Variants in KLHL32 observed in about 807,000 individuals in gnomAD.
KLHL32 encodes kelch like family member 32, also known as kelch-like protein 32.
A neutral mutation model predicts 64.8 loss-of-function variants in KLHL32; 35 were observed. The ratio of observed to expected loss-of-function variants is 0.54; its 90% CI spans 0.41 to 0.72. The LOEUF is 0.72. Ranked by LOEUF, KLHL32 falls within the 30% of genes least tolerant of loss-of-function variation. The pLI is 0.00. For missense variants in KLHL32, 589 were observed against 768.5 expected, an observed-to-expected ratio of 0.77 and a Z score of 2.76; for synonymous variants, 259 against 281.0, an observed-to-expected ratio of 0.92 and a Z score of 0.78.
chr6:97,012,775 A>C (rs926815986), intron 3 of KLHL32, among the ~76,000 whole-genome samples: 1 of 152,228 alleles, frequency 6.6e-6, no homozygotes, highest in Non-Finnish European at 1.5e-5. Context: ...CAATTAAACT[A>C]TATATGAGGG....
At chr6:97,092,421 A>G (rs1032298741) in intron 6 of KLHL32, among the ~76,000 whole-genome samples, 1 of 152,204 alleles carries the variant, frequency 6.6e-6, no homozygotes, top group Non-Finnish European at 1.5e-5. Flanking sequence ...ATGTGGTCCC[A>G]ACTTACAAAT....
intron 3 of KLHL32, among the ~76,000 whole-genome samples, chr6:97,029,638 A>AT (rs34020188): frequency 6.6e-6 from 1 of 152,212 alleles, no homozygotes; most frequent in Non-Finnish European, 1.5e-5. Flanking sequence ...GGATTGGGTT[A>AT]TTTTTTTCAT....
At position 96,992,251 on chromosome 6, in the gene KLHL32, G is replaced by C. The variant is rs539071994; in HGVS notation, c.204+16074G>C. ...GCTCCCGGGACCCAGGGTTGCAAAG[G>C]TCCATGGCAGAAGTGTGGGTCCCCA... On this transcript the variant is annotated intron_variant, in intron 3 of 10. Transcript: ENST00000369261. Among the ~76,000 whole-genome samples the C allele has an allele frequency of 6.6e-5, 10 of 152,358 alleles. No homozygotes were observed. In the East Asian group the frequency reaches 1.7e-3, roughly 26 times the overall value.
chr6:97,040,479 G>A (rs1784950073), intron 3 of KLHL32, among the ~76,000 whole-genome samples: 1 of 152,108 alleles, frequency 6.6e-6, no homozygotes, highest in Non-Finnish European at 1.5e-5. Flanking sequence ...AATTCAAGTG[G>A]GCATGAGAGT....
chr6:97,041,595 G>A lies in KLHL32; in HGVS notation c.308G>A (p.Gly103Glu). The stretch of plus-strand genomic sequence containing the variant: ...CAGGCTCTGGAGTTTGCATACACAG[G>A]ACAGGTATGGTATTAAATGTGATCT... ...LKQALEFAYT[G>E]QILLEPGVIQ... Residue 103 changes from glycine (G) to glutamate (E), a missense_variant, in exon 4 of 11, where the codon GGA becomes GAA. Gly to Glu is a moderately conservative substitution (Grantham distance 98). This residue lies in a region of KLHL32 where 191 missense variants were observed against 223.3 expected (regional missense o/e 0.86). Coordinates refer to ENST00000369261, the MANE Select transcript of KLHL32 (RefSeq NM_052904.4). 1 of 1,588,244 alleles carries A rather than the reference G, an allele frequency of 6.3e-7. No individual in the cohort carries two copies. Among genetic ancestry groups the A allele is most frequent in the Non-Finnish European group, 8.6e-7 (1 of 1,156,344 alleles).
chr6:96,964,663 CAAAACA>C (rs979818068), intron 1 of KLHL32, among the ~76,000 whole-genome samples: 6 of 151,976 alleles, frequency 3.9e-5, no homozygotes, highest in African/African-American at 1.5e-4. Flanking sequence ...AACAGAAAAA[CAAAACA>C]AAAACAAAAA....
At chr6:97,113,327 T>C (rs1797414516) in intron 6 of KLHL32, among the ~76,000 whole-genome samples, 1 of 152,162 alleles carries the variant, frequency 6.6e-6, no homozygotes, top group South Asian at 2.1e-4. Context: ...TGATCACATA[T>C]TTTCTTACGT....
At chr6:97,063,663 T>A (rs1789268784) in intron 4 of KLHL32, among the ~76,000 whole-genome samples, 1 of 152,202 alleles carries the variant, frequency 6.6e-6, no homozygotes, top group African/African-American at 2.4e-5. Flanking sequence ...TCAGGACACT[T>A]GTTAAAAACA....
At chr6:97,119,703 A>T (rs1798163568) in intron 7 of KLHL32, among the ~76,000 whole-genome samples, 1 of 152,234 alleles carries the variant, frequency 6.6e-6, no homozygotes, top group South Asian at 2.1e-4. Flanking sequence ...CATTCCCCGA[A>T]TCTGAGCTTA....
intron 3 of KLHL32, among the ~76,000 whole-genome samples, chr6:97,029,973 G>C (rs1036739781): frequency 6.6e-6 from 1 of 152,166 alleles, no homozygotes; most frequent in African/African-American, 2.4e-5. Context: ...ATTGCGAGTT[G>C]CTCTTTTCAA....
At chr6:97,028,796 A>G (rs1380552764) in intron 3 of KLHL32, among the ~76,000 whole-genome samples, 2 of 152,246 alleles carry the variant, frequency 1.3e-5, no homozygotes, top group Non-Finnish European at 2.9e-5. Flanking sequence ...GTATTCAATA[A>G]GAAAGCGTAA....
chr6:97,096,491 A>G (rs1192314260), intron 6 of KLHL32, among the ~76,000 whole-genome samples: 2 of 152,244 alleles, frequency 1.3e-5, no homozygotes, highest in African/African-American at 4.8e-5. Context: ...AAGGATGTTA[A>G]TGCCAATAGT....
chr6:96,918,275 T>A, the KLHL32 span, among the ~76,000 whole-genome samples: 39 of 152,284 alleles, frequency 2.6e-4, 1 homozygote, highest in East Asian at 6.9e-3. Context: ...GAACTTGAAA[T>A]AAAATTTGGG....
chr6:97,028,451 CAG>C (rs1783051020), intron 3 of KLHL32, among the ~76,000 whole-genome samples: 1 of 152,222 alleles, frequency 6.6e-6, no homozygotes, highest in Admixed American at 6.5e-5. Context: ...ATATTTTCCT[CAG>C]TAAAGAATCC....
Position 97,130,924 on chromosome 6 carries a change from A to G in KLHL32, c.1581A>G (p.Thr527=), listed in dbSNP as rs774759682. 1.9e-6 allele frequency: 3 copies of G among 1,612,350 alleles called. No individual in the cohort carries two copies. The highest frequency in any genetic ancestry group is 4.5e-5 in the East Asian group (2 of 44,858). ...ACAACATAGACACTGACCAGTGGAC[A>G]CGTTGTAATTTCAACCTGCTGACTG... ...DSYNIDTDQW[T]RCNFNLLTGQ... is the part of the protein sequence containing the mutation. The change falls in exon 9 of 11, where the codon ACA becomes ACG. Residue 527 remains threonine (T), a synonymous_variant. Coordinates refer to ENST00000369261, the MANE Select transcript of KLHL32 (RefSeq NM_052904.4).
intron 5 of KLHL32, among the ~76,000 whole-genome samples, chr6:97,068,139 A>ATG (rs766146134): frequency 2.7e-4 from 41 of 152,300 alleles, no homozygotes; most frequent in Non-Finnish European, 4.9e-4. Context: ...AGAAGCTTTG[A>ATG]TGAAGATGTC....
intron 10 of KLHL32, among the ~76,000 whole-genome samples, chr6:97,134,211 A>C (rs951084461): frequency 1.3e-5 from 2 of 152,194 alleles, no homozygotes; most frequent in African/African-American, 2.4e-5. Context: ...GAGAGATGAT[A>C]AAGATGAGAG....
intron 10 of KLHL32, among the ~76,000 whole-genome samples, chr6:97,137,238 G>T (rs1582302091): frequency 1.3e-5 from 2 of 152,198 alleles, no homozygotes; most frequent in East Asian, 3.9e-4. Flanking sequence ...AGAAAATTTT[G>T]AAAATAAATG....
chr6:96,999,923 CT>C (rs1247249741), intron 3 of KLHL32, among the ~76,000 whole-genome samples: 2 of 152,120 alleles, frequency 1.3e-5, no homozygotes, highest in African/African-American at 4.8e-5. Context: ...ACCACTACAG[CT>C]TCTGCATAGA....
Sources: gnomAD v4.1 joint callset for allele counts (sites outside exome capture counted in the v4.1 genomes callset) on GRCh38, gnomAD v4.1.1 for gene constraint, gnomAD v4.1.1 regional missense constraint, MANE v1.5 for transcripts, NCBI Gene and HGNC (gene_info 2026-07-23, HGNC 2026-07-21) for gene names.